The following CATSPERB variants were observed in gnomAD, a reference collection of about 807,000 sequenced individuals.
The protein encoded by CATSPERB is catsper channel auxiliary subunit beta.
In CATSPERB, 93 loss-of-function variants were observed where a neutral mutation model predicts 128.3. That is an observed-to-expected ratio of 0.72 (90% CI 0.61 to 0.86). CATSPERB has a LOEUF of 0.86. CATSPERB is among the 40% of genes least tolerant of loss of function. CATSPERB has a pLI of 0.00. For missense variants in CATSPERB, 1,153 were observed against 1,329.5 expected (o/e 0.87, Z 2.06); for synonymous variants, 381 against 448.8 (o/e 0.85, Z 1.91).
chr14:91,669,776 T>A (rs2139829178), intron 14 of CATSPERB, 38 bp downstream of exon 14: 1 of 1,570,202 alleles, frequency 6.4e-7, no homozygotes, highest in South Asian at 1.2e-5. Context: ...GGTGGATGAT[T>A]TAACTCTAAC....
intron 20 of CATSPERB, among the ~76,000 whole-genome samples, chr14:91,614,296 C>G (rs33967636): frequency 3.7e-5 from 1 of 26,686 alleles, no homozygotes; most frequent in Non-Finnish European, 1.1e-4. Flanking sequence ...CTAGGGCTCA[C>G]ACTTTTATCC....
At chr14:91,728,875 G>C (rs1305067988) in intron 2 of CATSPERB, among the ~76,000 whole-genome samples, 1 of 152,200 alleles carries the variant, frequency 6.6e-6, no homozygotes, top group Admixed American at 6.5e-5. Context: ...TTCATTCATT[G>C]CCCTATTCAC....
intron 11 of CATSPERB, among the ~76,000 whole-genome samples, chr14:91,674,559 G>A (rs576433293): frequency 7.3e-4 from 111 of 152,152 alleles, no homozygotes; most frequent in South Asian, 1.9e-3. Flanking sequence ...TTGTAACTGA[G>A]TAGCTTAGAT....
In CATSPERB at chr14:91,639,254, T is replaced by C. The variant is rs773097155; in HGVS notation, c.1433-4A>G. 1 of 1,611,870 alleles carries C rather than the reference T, an allele frequency of 6.2e-7. No individual in the cohort carries two copies. Among genetic ancestry groups the C allele is most frequent in the South Asian group, 1.1e-5 (1 of 90,828 alleles). The stretch of plus-strand genomic sequence containing the variant: ...ACTGCACTGTATCTTCCCATTCCTA[T>C]TAGGAAATACAGAGAAGTGTCTTGA... On this transcript the variant is annotated splice_region_variant and splice_polypyrimidine_tract_variant and intron_variant, in intron 15 of 26. Transcript: ENST00000256343.
At chr14:91,608,515 C>T (rs749359208) in intron 21 of CATSPERB, 111 bp from the exon 22 acceptor site, 21 of 658,038 alleles carry the variant, frequency 3.2e-5, no homozygotes, top group Non-Finnish European at 4.8e-5. Flanking sequence ...TTTTTAGCTA[C>T]AGGTATTAAA....
intron 5 of CATSPERB, among the ~76,000 whole-genome samples, chr14:91,713,868 A>G (rs1459744692): frequency 6.6e-6 from 1 of 152,180 alleles, no homozygotes; most frequent in African/African-American, 2.4e-5. Flanking sequence ...AGACATTCCA[A>G]GAAAAGAAAA....
chr14:91,615,779 T>C (rs1004708344), intron 20 of CATSPERB, among the ~76,000 whole-genome samples: 2 of 152,186 alleles, frequency 1.3e-5, no homozygotes, highest in Non-Finnish European at 2.9e-5. Flanking sequence ...AGACATCTTT[T>C]TGACAAATGG....
chr14:91,612,315 A>C (rs1893850556), intron 20 of CATSPERB, among the ~76,000 whole-genome samples: 1 of 151,992 alleles, frequency 6.6e-6, no homozygotes, highest in Admixed American at 6.6e-5. Context: ...TAACTAAAAA[A>C]ATTTTTTTAA....
intron 2 of CATSPERB, among the ~76,000 whole-genome samples, chr14:91,725,774 A>G (rs2139782974): frequency 6.6e-6 from 1 of 152,292 alleles, no homozygotes; most frequent in African/African-American, 2.4e-5. Context: ...ACTGGGTAGA[A>G]GAGGCAAAGG....
intron 10 of CATSPERB, among the ~76,000 whole-genome samples, chr14:91,689,768 T>G (rs973271822): frequency 6.6e-6 from 1 of 152,166 alleles, no homozygotes; most frequent in African/African-American, 2.4e-5. Context: ...TTTTGTCTTA[T>G]TTTAGTTTTT....
At chr14:91,588,236 A>G (rs1167685283) in intron 24 of CATSPERB, among the ~76,000 whole-genome samples, 158 bp from the exon 25 acceptor site, 3 of 152,170 alleles carry the variant, frequency 2.0e-5, no homozygotes, top group Non-Finnish European at 2.9e-5. Context: ...ATTAAGGTAC[A>G]ATGAAAGATT....
chr14:91,671,944 C>T (rs1393010309), intron 13 of CATSPERB, among the ~76,000 whole-genome samples: 1 of 151,688 alleles, frequency 6.6e-6, no homozygotes, highest in Non-Finnish European at 1.5e-5. Flanking sequence ...GGCGTGAACC[C>T]GGGAGGCGGA....
At chr14:91,600,079 C>T (rs771734550) in intron 22 of CATSPERB, among the ~76,000 whole-genome samples, 1 of 152,148 alleles carries the variant, frequency 6.6e-6, no homozygotes, top group Non-Finnish European at 1.5e-5. Context: ...AATAATGCTG[C>T]TATGAAGTTT....
intron 18 of CATSPERB, among the ~76,000 whole-genome samples, chr14:91,624,015 A>G (rs926526787): frequency 6.6e-6 from 1 of 152,214 alleles, no homozygotes; most frequent in African/African-American, 2.4e-5. Flanking sequence ...TATTGATGAA[A>G]TATCAATGAA....
At chr14:91,665,208 T>C (rs1380268327) in intron 14 of CATSPERB, among the ~76,000 whole-genome samples, 2 of 152,234 alleles carry the variant, frequency 1.3e-5, no homozygotes, top group South Asian at 2.1e-4. Flanking sequence ...TTTTGAGATG[T>C]ATAAAATACT....
chr14:91,666,422 C>G (rs1034657097), intron 14 of CATSPERB, among the ~76,000 whole-genome samples: 1 of 152,148 alleles, frequency 6.6e-6, no homozygotes, highest in African/African-American at 2.4e-5. Flanking sequence ...GCAGAAACAG[C>G]CTTCAAAACC....
intron 22 of CATSPERB, among the ~76,000 whole-genome samples, chr14:91,594,140 T>C (rs1420205588): frequency 1.3e-5 from 2 of 152,218 alleles, no homozygotes; most frequent in African/African-American, 2.4e-5. Flanking sequence ...TGGAATACTA[T>C]GCAGCCATAA....
intron 21 of CATSPERB, among the ~76,000 whole-genome samples, chr14:91,609,932 G>A (rs1245641930): frequency 6.6e-6 from 1 of 152,070 alleles, no homozygotes; most frequent in Non-Finnish European, 1.5e-5. Context: ...TGTTGGTCAG[G>A]TTGGTCTCGA....
At chr14:91,675,774 G>T (rs1353294058) in intron 11 of CATSPERB, among the ~76,000 whole-genome samples, 1 of 152,028 alleles carries the variant, frequency 6.6e-6, no homozygotes, top group Non-Finnish European at 1.5e-5. Flanking sequence ...TCAATCTAGG[G>T]ATCCAACCCT....
Sources: gnomAD v4.1 joint callset for allele counts (sites outside exome capture counted in the v4.1 genomes callset) on GRCh38, gnomAD v4.1.1 for gene constraint, MANE v1.5 for transcripts, NCBI Gene and HGNC (gene_info 2026-07-23, HGNC 2026-07-21) for gene names.